Variants in LONRF3 observed in about 807,000 individuals in gnomAD.
LONRF3 encodes LON peptidase N-terminal domain and RING finger protein 3.
In LONRF3, 19 loss-of-function variants were observed where a neutral mutation model predicts 51.7. That is an observed-to-expected ratio of 0.37 (90% CI 0.26 to 0.54). The LOEUF (loss-of-function observed/expected upper bound fraction) is 0.54. LONRF3 is among the 20% of genes least tolerant of loss of function. The pLI, the probability that LONRF3 is intolerant of heterozygous loss-of-function variation, is 0.86. For synonymous variants in LONRF3, 265 were observed against 257.8 expected, an observed-to-expected ratio of 1.03 and a Z score of -0.27; for missense variants, 521 against 623.9, an observed-to-expected ratio of 0.84 and a Z score of 1.76.
At chrX:118,982,763 G>A (rs1462317793) in intron 2 of LONRF3, 58 bp from the exon 3 acceptor site, 2 of 1,190,347 alleles carry the variant, frequency 1.7e-6, no homozygotes, top group Non-Finnish European at 2.3e-6. Flanking sequence ...GTTATTGTTA[G>A]AGCAGTAGTG....
At chrX:119,014,893 C>G (rs1925337845) in intron 10 of LONRF3, among the ~76,000 whole-genome samples, 1 of 112,006 alleles carries the variant, frequency 8.9e-6, no homozygotes, top group Admixed American at 9.4e-5. Flanking sequence ...CCCTGCAAGT[C>G]TAGACCCTTG....
intron 1 of LONRF3, 53 bp downstream of exon 1, chrX:118,975,650 G>T: frequency 9.9e-7 from 1 of 1,007,070 alleles, no homozygotes; most frequent in East Asian, 3.6e-5. Flanking sequence ...CTACATGAGG[G>T]AGCGGGAGAA....
chrX:118,991,790 G>GA (rs1923445776), intron 5 of LONRF3, among the ~76,000 whole-genome samples: 1 of 111,592 alleles, frequency 9.0e-6, no homozygotes. Flanking sequence ...GGGTTGTCAT[G>GA]ATTAATTGAG....
intron 2 of LONRF3, among the ~76,000 whole-genome samples, chrX:118,979,660 G>A (rs1482145296): frequency 8.9e-6 from 1 of 111,867 alleles, no homozygotes; most frequent in Non-Finnish European, 1.9e-5. Flanking sequence ...TGAGAGTGGT[G>A]TTGCTGCCCT....
chrX:119,012,100 T>C (rs1280224218), intron 8 of LONRF3, 127 bp downstream of exon 8: 2 of 647,664 alleles, frequency 3.1e-6, no homozygotes, highest in African/African-American at 4.4e-5. Flanking sequence ...ATATGAGCAT[T>C]TGTAAGGATC....
intron 6 of LONRF3, 58 bp from the exon 7 acceptor site, chrX:119,009,068 T>C: frequency 9.5e-7 from 1 of 1,047,914 alleles, no homozygotes; most frequent in Non-Finnish European, 1.3e-6. Context: ...CAGAAGTGTT[T>C]TGCTGATTGC....
intron 3 of LONRF3, 134 bp downstream of exon 3, chrX:118,983,077 C>G (rs1034402135): frequency 7.7e-5 from 47 of 612,240 alleles, no homozygotes; most frequent in East Asian, 7.1e-5. Context: ...GTTAAGGGGA[C>G]AAAAGGGAGA....
At chrX:118,994,195 A>G (rs1923650505) in intron 5 of LONRF3, among the ~76,000 whole-genome samples, 1 of 111,959 alleles carries the variant, frequency 8.9e-6, no homozygotes, top group African/African-American at 3.3e-5. Context: ...CCACATTTCA[A>G]TACTAACAAT....
intron 6 of LONRF3, among the ~76,000 whole-genome samples, 163 bp downstream of exon 6, chrX:119,006,398 C>CTT (rs1042593971): frequency 0.027 from 2,358 of 86,687 alleles, 186 homozygotes; most frequent in African/African-American, 0.1. Flanking sequence ...CTCCTGTCTT[C>CTT]TTTTTTTTTT....
intron 5 of LONRF3, among the ~76,000 whole-genome samples, chrX:119,004,984 A>G (rs2147298315): frequency 8.9e-6 from 1 of 111,751 alleles, no homozygotes; most frequent in Non-Finnish European, 1.9e-5. Flanking sequence ...AGTAACTTCA[A>G]CCCCTGTGGA....
intron 10 of LONRF3, among the ~76,000 whole-genome samples, chrX:119,015,479 C>G (rs375032873): frequency 2.7e-5 from 3 of 111,845 alleles, no homozygotes; most frequent in African/African-American, 9.8e-5. Context: ...CTTTCCCCCC[C>G]CATGCAAAGG....
At chrX:119,016,577 G>C (rs953797303) in intron 10 of LONRF3, among the ~76,000 whole-genome samples, 1 of 111,317 alleles carries the variant, frequency 9.0e-6, no homozygotes, top group Admixed American at 9.5e-5. Context: ...TCGATCTCCT[G>C]ACCTCGTGAT....
chrX:118,975,446 G>A lies in LONRF3; in HGVS notation c.666G>A (p.Pro222=), dbSNP rs749758658. Residue 222 remains proline (P), a synonymous_variant, in exon 1 of 11, where the codon CCG becomes CCA. Transcript: ENST00000371628. ...GGGCTGGGCAGCAGCCGCCGCCGCC[G>A]CTGCGAGTCAACGTGGTGCTCAGCG... The part of the protein sequence containing the change: ...ARRAGQQPPP[P]LRVNVVLSGL... 2.5e-6 allele frequency: 3 copies of A among 1,189,431 alleles called. No individual in the cohort carries two copies. Among genetic ancestry groups the A allele is most frequent in the South Asian group, 1.8e-5 (1 of 54,623 alleles).
At chrX:119,008,853 A>C (rs1246109433) in intron 6 of LONRF3, among the ~76,000 whole-genome samples, 2 of 111,830 alleles carry the variant, frequency 1.8e-5, no homozygotes, top group Non-Finnish European at 3.8e-5. Context: ...TTTCAGAAAA[A>C]CTGTGAGAGT....
chrX:118,975,397 C>G lies in LONRF3; in HGVS notation c.617C>G (p.Thr206Ser), dbSNP rs1254045768. 1 of 1,201,358 alleles carries G rather than the reference C, an allele frequency of 8.3e-7. No homozygotes were observed. The highest frequency in any genetic ancestry group is 1.7e-5 in the African/African-American group (1 of 57,172). Residue 206 changes from threonine (T) to serine (S), a missense_variant, in exon 1 of 11, where the codon ACT becomes AGT. Thr to Ser is a moderately conservative substitution (Grantham distance 58). Transcript: ENST00000371628. The part of the protein sequence containing the change: ...GVKLSALMVA[T>S]GRARGARRAG... ...AAGCTCTCCGCCTTGATGGTGGCCA[C>G]TGGGCGGGCGCGTGGAGCCCGGCGG...
intron 3 of LONRF3, among the ~76,000 whole-genome samples, chrX:118,983,920 A>C (rs1182738884): frequency 1.8e-5 from 2 of 111,898 alleles, no homozygotes; most frequent in African/African-American, 6.5e-5. Context: ...AGTTGCTTTG[A>C]ATTGGTTTGA....
At chrX:119,013,235 A>G in intron 9 of LONRF3, 34 bp downstream of exon 9, 1 of 1,165,110 alleles carries the variant, frequency 8.6e-7, no homozygotes, top group East Asian at 3.0e-5. Context: ...TCCCAAAGCC[A>G]GGCTATCCTT....
chrX:118,984,052 C>T lies in LONRF3; in HGVS notation c.1059+1109C>T, dbSNP rs183334180. ...AATGATAATAATAATAGCTAACATT[C>T]GTTGAGAATTTCTTCTGCATTATAC... On this transcript the variant is annotated intron_variant, in intron 3 of 10. Transcript: ENST00000371628. 1.7e-4 allele frequency among the ~76,000 whole-genome samples: 19 copies of T among 112,048 alleles called. 1 individual carries two copies. In the East Asian group the frequency reaches 5.0e-3, roughly 30 times the overall value.
chrX:118,994,925 G>A (rs922093468), intron 5 of LONRF3, among the ~76,000 whole-genome samples: 3 of 112,134 alleles, frequency 2.7e-5, no homozygotes, highest in African/African-American at 9.7e-5. Context: ...GCACTAGACA[G>A]GTCATCAAGA....
Sources: gnomAD v4.1 joint callset for allele counts (sites outside exome capture counted in the v4.1 genomes callset) on GRCh38, gnomAD v4.1.1 for gene constraint, MANE v1.5 for transcripts, NCBI Gene and HGNC (gene_info 2026-07-23, HGNC 2026-07-21) for gene names.